The following PPP3CA variants were observed in gnomAD, a reference collection of about 807,000 sequenced individuals.
The protein encoded by PPP3CA is protein phosphatase 3 catalytic subunit alpha, also known as CAM-PRP catalytic subunit.
A neutral mutation model predicts 66.5 loss-of-function variants in PPP3CA; 14 were observed. The ratio of observed to expected loss-of-function variants is 0.21; its 90% CI spans 0.14 to 0.33. The LOEUF (loss-of-function observed/expected upper bound fraction) is 0.33, where lower values mean the gene tolerates loss of function less well. PPP3CA is among the 10% of genes least tolerant of loss of function. PPP3CA has a pLI of 1.00. For missense variants in PPP3CA, 317 were observed against 639.5 expected (o/e 0.50, Z 5.44); for synonymous variants, 232 against 226.2 (o/e 1.03, Z -0.23).
At position 101,290,085 on chromosome 4, in the gene PPP3CA, A is replaced by C. The variant is rs190106631; in HGVS notation, c.58+56654T>G. 1.0e-3 allele frequency among the ~76,000 whole-genome samples: 158 copies of C among 152,332 alleles called. 1 individual carries two copies. The highest frequency in any genetic ancestry group is 3.6e-3 in the African/African-American group (149 of 41,576). Reference sequence around the variant, plus strand: ...CATTGTACCTAGCAAGACAAAAGTGATCTACAGTTTTAAGAGATGAGTGAC... The same window carrying C: ...CATTGTACCTAGCAAGACAAAAGTGCTCTACAGTTTTAAGAGATGAGTGAC... On this transcript the variant is annotated intron_variant, in intron 1 of 13. Transcript: ENST00000394854.
At chr4:101,168,137 C>T (rs903433639) in intron 2 of PPP3CA, among the ~76,000 whole-genome samples, 4 of 152,108 alleles carry the variant, frequency 2.6e-5, no homozygotes, top group Non-Finnish European at 5.9e-5. Flanking sequence ...AGGGCTAGTG[C>T]AGACAGGGAA....
At chr4:101,042,803 C>CTTTTTT (rs534973228) in intron 10 of PPP3CA, among the ~76,000 whole-genome samples, 15 of 117,658 alleles carry the variant, frequency 1.3e-4, no homozygotes, top group Non-Finnish European at 1.7e-4. Flanking sequence ...AAGACTTTTT[C>CTTTTTT]TTTTTTTTTT....
intron 2 of PPP3CA, among the ~76,000 whole-genome samples, chr4:101,116,405 T>C (rs925871627): frequency 6.6e-6 from 1 of 151,960 alleles, no homozygotes; most frequent in Admixed American, 6.6e-5. Flanking sequence ...ATTGATTTGG[T>C]TTTTGGATAT....
rs35175537 is a variant in PPP3CA at position 101,246,371 on chromosome 4, C to A, written c.59-50255G>T. On this transcript the variant is annotated intron_variant, in intron 1 of 13. Transcript: ENST00000394854. ...ACTTATTTATTCTGATCATCTTTAA[C>A]CAGTGAAGTCATATGAACAACTATG... Among the ~76,000 whole-genome samples, 563 of 152,206 alleles carry A rather than the reference C, an allele frequency of 3.7e-3. 3 individuals are homozygous for A. Among genetic ancestry groups the A allele is most frequent in the Non-Finnish European group, 6.5e-3 (445 of 67,996 alleles).
intron 10 of PPP3CA, among the ~76,000 whole-genome samples, chr4:101,055,922 ATATTT>A (rs995115332): frequency 1.3e-5 from 2 of 151,966 alleles, no homozygotes; most frequent in African/African-American, 4.8e-5. Context: ...AAAGCATATT[ATATTT>A]GTGTTATATT....
intron 2 of PPP3CA, among the ~76,000 whole-genome samples, chr4:101,151,742 C>T (rs1285157659): frequency 4.2e-5 from 6 of 141,974 alleles, no homozygotes; most frequent in African/African-American, 7.7e-5. Context: ...CTGCAACCTC[C>T]GCCTTCCGGG....
intron 11 of PPP3CA, among the ~76,000 whole-genome samples, chr4:101,036,920 AAT>A (rs1418812002): frequency 6.6e-6 from 1 of 152,216 alleles, no homozygotes; most frequent in Non-Finnish European, 1.5e-5. Flanking sequence ...AATATTCTGG[AAT>A]ACTTCCTCTC....
intron 10 of PPP3CA, among the ~76,000 whole-genome samples, chr4:101,046,353 G>A (rs1727766817): frequency 6.6e-6 from 1 of 152,076 alleles, no homozygotes; most frequent in Non-Finnish European, 1.5e-5. Flanking sequence ...TATTGTTATT[G>A]AGTTGTATTT....
intron 7 of PPP3CA, among the ~76,000 whole-genome samples, chr4:101,081,857 T>C (rs890654066): frequency 6.6e-6 from 1 of 152,174 alleles, no homozygotes; most frequent in Non-Finnish European, 1.5e-5. Flanking sequence ...ACAAAATCCA[T>C]GTGAAAGACA....
intron 2 of PPP3CA, among the ~76,000 whole-genome samples, chr4:101,121,118 A>T (rs1029663926): frequency 6.6e-6 from 1 of 152,112 alleles, no homozygotes; most frequent in Non-Finnish European, 1.5e-5. Flanking sequence ...ATTTAGTTAA[A>T]TTTTTGTCAA....
intron 2 of PPP3CA, among the ~76,000 whole-genome samples, chr4:101,133,733 GA>G (rs541733738): frequency 1.3e-5 from 2 of 151,502 alleles, no homozygotes; most frequent in Non-Finnish European, 2.9e-5. Flanking sequence ...CACAGGAATA[GA>G]AAAAAAACTA....
chr4:101,305,391 G>A (rs1416728982), intron 1 of PPP3CA, among the ~76,000 whole-genome samples: 2 of 152,164 alleles, frequency 1.3e-5, no homozygotes, highest in East Asian at 3.8e-4. Context: ...CACACAGTGT[G>A]ACCCCATAAA....
chr4:101,298,057 C>T (rs1429270866), intron 1 of PPP3CA, among the ~76,000 whole-genome samples: 1 of 152,098 alleles, frequency 6.6e-6, no homozygotes. Context: ...TGGGAATAGG[C>T]AATTCCAATA....
chr4:101,339,922 C>T (rs1436016056), intron 1 of PPP3CA, among the ~76,000 whole-genome samples: 1 of 152,132 alleles, frequency 6.6e-6, no homozygotes, highest in Non-Finnish European at 1.5e-5. Flanking sequence ...ATAAAAACTA[C>T]TACTAATTCT....
intron 6 of PPP3CA, 46 bp from the exon 7 acceptor site, chr4:101,083,309 C>G (rs1729521726): frequency 6.8e-7 from 1 of 1,480,178 alleles, no homozygotes. Flanking sequence ...AGGAAATCAT[C>G]AGGAGTAGCA....
intron 2 of PPP3CA, among the ~76,000 whole-genome samples, chr4:101,163,593 T>C (rs1723591310): frequency 6.6e-6 from 1 of 152,108 alleles, no homozygotes; most frequent in Non-Finnish European, 1.5e-5. Flanking sequence ...ACAAGGTGTG[T>C]TCATCCTTAT....
chr4:101,241,813 C>T (rs113456433), intron 1 of PPP3CA, among the ~76,000 whole-genome samples: 5 of 152,198 alleles, frequency 3.3e-5, no homozygotes, highest in African/African-American at 1.2e-4. Context: ...ATTCCAGTGA[C>T]CATGCTTTTA....
At chr4:101,260,587 T>C (rs962384) in intron 1 of PPP3CA, among the ~76,000 whole-genome samples, 28,884 of 152,040 alleles carry the variant, frequency 0.19, 3,409 homozygotes, top group East Asian at 0.51. Flanking sequence ...GCAAACTCTG[T>C]TTCAGCCCTG....
chr4:101,102,914 G>A (rs372671034), intron 3 of PPP3CA, among the ~76,000 whole-genome samples: 55 of 152,222 alleles, frequency 3.6e-4, no homozygotes, highest in African/African-American at 5.8e-4. Flanking sequence ...CAACTGGACC[G>A]CTATTGTCTT....
Sources: allele counts gnomAD v4.1 joint callset (sites outside exome capture counted in the v4.1 genomes callset), GRCh38; gene constraint gnomAD v4.1.1; transcripts MANE v1.5; gene names NCBI Gene and HGNC (gene_info 2026-07-23, HGNC 2026-07-21).